Variants in DTNB observed in about 807,000 individuals in gnomAD.
DTNB encodes dystrobrevin beta.
Under a neutral mutation model 90.7 loss-of-function variants are expected in DTNB, and 63 were observed. The observed-to-expected ratio is 0.69, with a 90% CI of 0.57 to 0.86. The LOEUF is 0.86. Among genes scored for constraint, DTNB ranks in the 40% least tolerant of loss-of-function variants. DTNB has a pLI of 0.00. For synonymous variants in DTNB, 277 were observed against 286.7 expected (o/e 0.97, Z 0.34); for missense variants, 744 against 807.1 (o/e 0.92, Z 0.95).
At chr2:25,507,717 T>C (rs2150641056) in intron 9 of DTNB, among the ~76,000 whole-genome samples, 1 of 152,308 alleles carries the variant, frequency 6.6e-6, no homozygotes, top group East Asian at 1.9e-4. Flanking sequence ...AACATCCTTT[T>C]AAAATGGAAG....
At position 25,628,281 on chromosome 2, in the gene DTNB, G is replaced by A. The variant is rs1373414401; in HGVS notation, c.252C>T (p.Val84=). The A allele has an allele frequency of 1.2e-6, 2 of 1,613,146 alleles. No homozygotes were observed. The highest frequency in any genetic ancestry group is 2.2e-5 in the East Asian group (1 of 44,836). Residue 84 remains valine, a synonymous_variant, in exon 4 of 21, where the codon GTC becomes GTT. Coordinates refer to ENST00000406818, the MANE Select transcript of DTNB (RefSeq NM_021907.5). The part of the protein sequence containing the change: ...TEISVSRLET[V]ISSIYYQLNK... Reference sequence around the variant, plus strand: ...TCAACTGATAGTAGATGGAGGAGATGACAGTTTCGAGGCGGGACACACTGA... The same window carrying A: ...TCAACTGATAGTAGATGGAGGAGATAACAGTTTCGAGGCGGGACACACTGA...
At chr2:25,603,698 T>C (rs1412648662) in intron 5 of DTNB, among the ~76,000 whole-genome samples, 2 of 151,194 alleles carry the variant, frequency 1.3e-5, no homozygotes, top group Non-Finnish European at 2.9e-5. Context: ...AAACATTCCA[T>C]AAATGAGAAA....
chr2:25,641,913 C>T (rs902529873), intron 2 of DTNB, among the ~76,000 whole-genome samples: 4 of 152,144 alleles, frequency 2.6e-5, no homozygotes, highest in Non-Finnish European at 5.9e-5. Context: ...CTCTGCCTCC[C>T]GGGTTCACGC....
chr2:25,536,380 C>T (rs1452414297), intron 8 of DTNB, among the ~76,000 whole-genome samples: 2 of 152,144 alleles, frequency 1.3e-5, no homozygotes, highest in South Asian at 2.1e-4. Context: ...TGTAGCGAGC[C>T]GAGATCACGC....
At chr2:25,647,052 A>C (rs538866101) in intron 2 of DTNB, among the ~76,000 whole-genome samples, 7 of 152,380 alleles carry the variant, frequency 4.6e-5, no homozygotes, top group African/African-American at 1.7e-4. Flanking sequence ...AAACATAAGA[A>C]TTAAGAAATT....
intron 16 of DTNB, among the ~76,000 whole-genome samples, chr2:25,412,653 G>C (rs1225371630): frequency 6.6e-6 from 1 of 152,166 alleles, no homozygotes; most frequent in African/African-American, 2.4e-5. Flanking sequence ...TCTAATAGGA[G>C]AGATCAGATA....
chr2:25,389,857 TGTGTGTG>T (rs2040595797), intron 16 of DTNB, among the ~76,000 whole-genome samples: 1 of 148,904 alleles, frequency 6.7e-6, no homozygotes, highest in Non-Finnish European at 1.5e-5. Flanking sequence ...TGTGTGTGTG[TGTGTGTG>T]TGTGTGTGTG....
chr2:25,609,759 T>G lies in DTNB; in HGVS notation c.363-2438A>C, dbSNP rs190650494. Among the ~76,000 whole-genome samples the G allele has an allele frequency of 7.6e-4, 115 of 151,598 alleles. 1 individual carries two copies. The East Asian group carries it at 0.02, about 26-fold the overall frequency. On this transcript the variant is annotated intron_variant, in intron 4 of 20. Transcript: ENST00000406818. ...CCAACCCTTAGAGATCCTAATTATT[T>G]GGCCTAGGGTGGGGCGTTGACACTG...
At chr2:25,550,130 G>A (rs1004375349) in intron 8 of DTNB, among the ~76,000 whole-genome samples, 2 of 151,638 alleles carry the variant, frequency 1.3e-5, no homozygotes, top group Admixed American at 6.6e-5. Flanking sequence ...GGTGGCTCAC[G>A]CCTGTAATCC....
At chr2:25,378,544 G>A (rs764410701) in intron 20 of DTNB, among the ~76,000 whole-genome samples, 1 of 150,292 alleles carries the variant, frequency 6.7e-6, no homozygotes, top group Non-Finnish European at 1.5e-5. Context: ...CTTTATTCGA[G>A]GAAGATGCCT....
At chr2:25,544,850 C>T (rs2082087823) in intron 8 of DTNB, among the ~76,000 whole-genome samples, 1 of 152,210 alleles carries the variant, frequency 6.6e-6, no homozygotes, top group African/African-American at 2.4e-5. Context: ...ACTATTTCTT[C>T]CTTCTTGCCT....
chr2:25,481,479 A>G (rs2064954463), intron 10 of DTNB: 1 of 152,164 alleles, frequency 6.6e-6, no homozygotes, highest in African/African-American at 2.4e-5. Context: ...CAACTCAGAA[A>G]GAGTCTGGCT....
At chr2:25,527,515 G>T (rs915632812) in intron 9 of DTNB, among the ~76,000 whole-genome samples, 1 of 150,652 alleles carries the variant, frequency 6.6e-6, no homozygotes, top group African/African-American at 2.4e-5. Context: ...CTGAGACTCT[G>T]TCTCAAAAAA....
rs2040125189 is a variant in DTNB, at chr2:25,388,353, GGC to G, written c.1582_1583del (p.Ala528HisfsTer59). Reference protein sequence around the residue: ...KEEEQKQAAQATGSPHTSPTH... With the variant: ...KEEEQKQAAQXTGSPHTSPTH... ...TGGGCGATGTATGTGGTGACCCTGT[GGC>G]CTGAGCCTGGAGATTCAAAGACAGA... On this transcript the variant is annotated frameshift_variant, in exon 17 of 21. Coordinates refer to ENST00000406818, the MANE Select transcript of DTNB (RefSeq NM_021907.5). LOFTEE classifies it high-confidence loss of function. The G allele has an allele frequency of 6.2e-7, 1 of 1,602,214 alleles. No homozygotes were observed. Among genetic ancestry groups the G allele is most frequent in the Non-Finnish European group, 8.5e-7 (1 of 1,172,036 alleles).
chr2:25,399,738 C>T (rs1229506640), intron 16 of DTNB, among the ~76,000 whole-genome samples: 2 of 152,236 alleles, frequency 1.3e-5, no homozygotes, highest in Admixed American at 6.5e-5. Context: ...CATTCATATC[C>T]GGGTGGAGTC....
chr2:25,573,498 T>C (rs750643403), intron 8 of DTNB, among the ~76,000 whole-genome samples: 4 of 152,202 alleles, frequency 2.6e-5, no homozygotes, highest in Non-Finnish European at 5.9e-5. Context: ...GCAGTCTGTT[T>C]TTCCTTTCAC....
At chr2:25,626,007 C>T (rs2074078760) in intron 4 of DTNB, among the ~76,000 whole-genome samples, 1 of 152,156 alleles carries the variant, frequency 6.6e-6, no homozygotes, top group South Asian at 2.1e-4. Context: ...GCCCTCCCCA[C>T]ACACAGAATC....
At chr2:25,623,558 G>A (rs2073346760) in intron 4 of DTNB, among the ~76,000 whole-genome samples, 1 of 152,166 alleles carries the variant, frequency 6.6e-6, no homozygotes, top group Non-Finnish European at 1.5e-5. Context: ...GTCCTCACAT[G>A]TACTGATTAA....
At chr2:25,570,563 C>A (rs1403327717) in intron 8 of DTNB, among the ~76,000 whole-genome samples, 1 of 152,158 alleles carries the variant, frequency 6.6e-6, no homozygotes, top group African/African-American at 2.4e-5. Flanking sequence ...AAACTGTTCT[C>A]CAGACAATCT....
Sources: gnomAD v4.1 joint callset for allele counts (sites outside exome capture counted in the v4.1 genomes callset) on GRCh38, gnomAD v4.1.1 for gene constraint, MANE v1.5 for transcripts, NCBI Gene and HGNC (gene_info 2026-07-23, HGNC 2026-07-21) for gene names.